The following RNF212B variants were observed in gnomAD, a reference collection of about 807,000 sequenced individuals.
RNF212B encodes E3 ubiquitin-protein ligase RNF212B.
A neutral mutation model predicts 55.5 loss-of-function variants in RNF212B; 52 were observed. The ratio of observed to expected loss-of-function variants is 0.94; its 90% CI spans 0.75 to 1.18. RNF212B has a LOEUF of 1.18. RNF212B is among the 50% of genes most tolerant of loss of function. The probability of loss-of-function intolerance (pLI) is 0.00; values close to 1 mark genes in which losing one functional copy is unlikely to be tolerated. For missense variants in RNF212B, 289 were observed against 350.4 expected (o/e 0.82, Z 1.40); for synonymous variants, 99 against 121.4 (o/e 0.82, Z 1.21).
At chr14:23,253,521 G>C (rs1235057892) in intron 4 of RNF212B, among the ~76,000 whole-genome samples, 2 of 151,930 alleles carry the variant, frequency 1.3e-5, no homozygotes, top group South Asian at 2.1e-4. Flanking sequence ...CACCATCATT[G>C]GTTTGGGGGC....
At chr14:23,220,671 G>A (rs1594893795) in intron 2 of RNF212B, among the ~76,000 whole-genome samples, 1 of 151,418 alleles carries the variant, frequency 6.6e-6, no homozygotes, top group African/African-American at 2.4e-5. Context: ...TAAAAATACA[G>A]AAAATTAGCT....
At chr14:23,186,315 A>C (rs1392559019) in intron 1 of RNF212B, among the ~76,000 whole-genome samples, 4 of 150,874 alleles carry the variant, frequency 2.7e-5, no homozygotes, top group African/African-American at 9.7e-5. Context: ...TCTGTAAAAA[A>C]TTACAAACTA....
intron 2 of RNF212B, among the ~76,000 whole-genome samples, chr14:23,227,542 T>C (rs1230434689): frequency 6.7e-6 from 1 of 150,302 alleles, no homozygotes; most frequent in Non-Finnish European, 1.5e-5. Context: ...TACATCAATA[T>C]ACATTGAATA....
At chr14:23,265,782 T>C (rs934698000) in intron 11 of RNF212B, among the ~76,000 whole-genome samples, 18 of 152,220 alleles carry the variant, frequency 1.2e-4, no homozygotes, top group Admixed American at 5.9e-4. Flanking sequence ...TGGTTTAGTC[T>C]ATTTCCTTCC....
chr14:23,195,976 C>T (rs756675475), intron 2 of RNF212B, among the ~76,000 whole-genome samples: 14 of 152,030 alleles, frequency 9.2e-5, no homozygotes, highest in Non-Finnish European at 1.9e-4. Context: ...CACTGTGCCA[C>T]GGGAGAAAAA....
At chr14:23,234,582 T>A (rs888361418), upstream of RNF212B, among the ~76,000 whole-genome samples, 6 of 152,364 alleles carry the variant, frequency 3.9e-5, no homozygotes, top group South Asian at 2.1e-4. Flanking sequence ...CAATTCCCCA[T>A]GCACACTTAC....
chr14:23,218,005 C>T (rs1881248087), intron 2 of RNF212B, among the ~76,000 whole-genome samples: 1 of 152,004 alleles, frequency 6.6e-6, no homozygotes, highest in South Asian at 2.1e-4. Context: ...AGAGGAAATT[C>T]AGAATTCTAT....
chr14:23,219,981 C>T (rs567905379), intron 2 of RNF212B, among the ~76,000 whole-genome samples: 17 of 151,688 alleles, frequency 1.1e-4, no homozygotes, highest in East Asian at 7.9e-4. Context: ...GTCAGGAGTT[C>T]GAGACCAGCC....
intron 2 of RNF212B, among the ~76,000 whole-genome samples, chr14:23,231,133 A>AT (rs1882579540): frequency 6.6e-6 from 1 of 152,088 alleles, no homozygotes; most frequent in Non-Finnish European, 1.5e-5. Flanking sequence ...TTTAGGGTGG[A>AT]TTTTTCAATT....
intron 2 of RNF212B, among the ~76,000 whole-genome samples, chr14:23,223,305 C>G (rs1021553200): frequency 6.6e-6 from 1 of 151,706 alleles, no homozygotes; most frequent in Non-Finnish European, 1.5e-5. Flanking sequence ...ATAAAAGCCA[C>G]ATATGACAGA....
chr14:23,235,878 C>T (rs888027582), upstream of RNF212B, among the ~76,000 whole-genome samples: 2 of 152,112 alleles, frequency 1.3e-5, no homozygotes, highest in African/African-American at 2.4e-5. Context: ...TTAATGTAAC[C>T]GGCTATAAAA....
rs36074283 is a variant in RNF212B at position 23,247,140 on chromosome 14, C to CAA, written c.228+2757_228+2758dup. On this transcript the variant is annotated intron_variant, in intron 4 of 14. Transcript: ENST00000430154. ...GGGCAACACGAGCAAAACTCCATCT[C>CAA]AAAAAAAAAAAAAATTGTTTTCAAG... Among the ~76,000 whole-genome samples the CAA allele has an allele frequency of 1.3e-3, 179 of 139,530 alleles. 1 individual carries two copies. The highest frequency in any genetic ancestry group is 5.9e-3 in the Admixed American group (82 of 13,784). 91.5% of individuals were successfully genotyped at this position (139,530 alleles called of 152,430 possible).
intron 2 of RNF212B, among the ~76,000 whole-genome samples, chr14:23,225,105 A>T (rs1881892856): frequency 6.6e-6 from 1 of 152,148 alleles, no homozygotes; most frequent in African/African-American, 2.4e-5. Flanking sequence ...CTACAATAAG[A>T]TATCATCTTA....
chr14:23,264,361 T>C, intron 10 of RNF212B, 127 bp downstream of exon 10: 1 of 827,214 alleles, frequency 1.2e-6, no homozygotes, highest in South Asian at 1.8e-5. Context: ...TGGACCCTAT[T>C]TTCTTTTGGC....
chr14:23,198,556 A>T (rs1878961518), intron 2 of RNF212B, among the ~76,000 whole-genome samples: 1 of 151,968 alleles, frequency 6.6e-6, no homozygotes. Flanking sequence ...GGTACCTGTA[A>T]TCCCAGCCAC....
chr14:23,192,392 T>C, intron 1 of RNF212B, among the ~76,000 whole-genome samples: 1 of 152,156 alleles, frequency 6.6e-6, no homozygotes, highest in Non-Finnish European at 1.5e-5. Context: ...TGTAGGGACA[T>C]AGATGAAGCT....
chr14:23,220,680 C>T (rs1396702408), intron 2 of RNF212B, among the ~76,000 whole-genome samples: 1 of 151,848 alleles, frequency 6.6e-6, no homozygotes, highest in Non-Finnish European at 1.5e-5. Flanking sequence ...AGAAAATTAG[C>T]TGGGCGTGGT....
intron 4 of RNF212B, among the ~76,000 whole-genome samples, chr14:23,252,886 C>T (rs1374125954): frequency 6.6e-6 from 1 of 152,116 alleles, no homozygotes; most frequent in African/African-American, 2.4e-5. Flanking sequence ...TGTGATGTGA[C>T]TTTCGCAGCT....
intron 12 of RNF212B, among the ~76,000 whole-genome samples, 172 bp from the exon 13 acceptor site, chr14:23,269,691 A>G (rs1311111601): frequency 6.6e-6 from 1 of 151,834 alleles, no homozygotes; most frequent in Non-Finnish European, 1.5e-5. Context: ...CAACCTGGGC[A>G]ACAGAGTGAG....
Sources: gnomAD v4.1 joint callset for allele counts (sites outside exome capture counted in the v4.1 genomes callset) on GRCh38, gnomAD v4.1.1 for gene constraint, MANE v1.5 for transcripts, NCBI Gene and HGNC (gene_info 2026-07-23, HGNC 2026-07-21) for gene names.